Variants in NEK7 observed in about 807,000 individuals in gnomAD.
The protein encoded by NEK7 is NIMA related kinase 7, also known as serine/threonine-protein kinase Nek7.
NEK7 carries 18 observed loss-of-function variants against 44.6 expected under a neutral mutation model. The ratio of observed to expected loss-of-function variants is 0.40; its 90% CI spans 0.28 to 0.60. The LOEUF (loss-of-function observed/expected upper bound fraction) is 0.60. Among genes scored for constraint, NEK7 ranks in the 20% least tolerant of loss-of-function variants. NEK7 has a pLI of 0.38. For missense variants in NEK7, 256 were observed against 366.5 expected (o/e 0.70, Z 2.46); for synonymous variants, 130 against 121.1 (o/e 1.07, Z -0.48).
At chr1:198,178,800 G>A (rs1171310604) in intron 1 of NEK7, among the ~76,000 whole-genome samples, 1 of 151,852 alleles carries the variant, frequency 6.6e-6, no homozygotes, top group Non-Finnish European at 1.5e-5. Context: ...GATACACAAA[G>A]CTTCAATAAA....
At chr1:198,194,341 T>C (rs932702372) in intron 1 of NEK7, among the ~76,000 whole-genome samples, 1 of 151,880 alleles carries the variant, frequency 6.6e-6, no homozygotes, top group South Asian at 2.1e-4. Flanking sequence ...AGGTTTCTTA[T>C]ATAGGTAAAC....
intron 1 of NEK7, among the ~76,000 whole-genome samples, chr1:198,184,467 T>A (rs570964748): frequency 3.9e-4 from 60 of 152,340 alleles, no homozygotes; most frequent in African/African-American, 1.3e-3. Flanking sequence ...GTCAAACTGC[T>A]TACATATTCA....
intron 1 of NEK7, among the ~76,000 whole-genome samples, chr1:198,202,678 T>C (rs905768442): frequency 2.6e-5 from 4 of 152,156 alleles, no homozygotes; most frequent in African/African-American, 9.7e-5. Flanking sequence ...TGGCAGCAGA[T>C]GAGAGAATGA....
At chr1:198,226,568 C>T (rs1414543678) in intron 1 of NEK7, among the ~76,000 whole-genome samples, 1 of 151,158 alleles carries the variant, frequency 6.6e-6, no homozygotes, top group Admixed American at 6.6e-5. Flanking sequence ...CCCACTTACA[C>T]ATGGAATTAT....
At chr1:198,187,696 A>G (rs1174461374) in intron 1 of NEK7, among the ~76,000 whole-genome samples, 1 of 152,186 alleles carries the variant, frequency 6.6e-6, no homozygotes. Context: ...AATCCACTGT[A>G]GGCTGCCAGC....
At chr1:198,205,274 C>T (rs983447131) in intron 1 of NEK7, among the ~76,000 whole-genome samples, 2 of 152,126 alleles carry the variant, frequency 1.3e-5, no homozygotes, top group African/African-American at 4.8e-5. Context: ...CATCTGGATG[C>T]AAAGAACTAA....
At chr1:198,157,627 C>T (rs1253687245) in intron 1 of NEK7, among the ~76,000 whole-genome samples, 2 of 152,374 alleles carry the variant, frequency 1.3e-5, no homozygotes, top group Non-Finnish European at 2.9e-5. Flanking sequence ...GAAGTCCCGC[C>T]TTCCGGCGGA....
chr1:198,242,566 A>T (rs1342783170), intron 2 of NEK7, among the ~76,000 whole-genome samples: 1 of 145,268 alleles, frequency 6.9e-6, no homozygotes, highest in Non-Finnish European at 1.5e-5. Context: ...GGTTCAGGCC[A>T]TTCTCCTGCC....
chr1:198,313,218 T>G (rs1217478490), intron 9 of NEK7, among the ~76,000 whole-genome samples: 2 of 152,222 alleles, frequency 1.3e-5, no homozygotes, highest in African/African-American at 4.8e-5. Context: ...TCTTTTGATC[T>G]TTGTTGGTTT....
chr1:198,175,092 A>G (rs1306285956), intron 1 of NEK7, among the ~76,000 whole-genome samples: 1 of 152,180 alleles, frequency 6.6e-6, no homozygotes, highest in African/African-American at 2.4e-5. Flanking sequence ...TTTATGGTTT[A>G]TTGTAAACTG....
At chr1:198,305,138 G>A (rs1654988654) in intron 9 of NEK7, among the ~76,000 whole-genome samples, 1 of 151,940 alleles carries the variant, frequency 6.6e-6, no homozygotes, top group South Asian at 2.1e-4. Context: ...TATTAATGTT[G>A]TAATATCTAC....
intron 8 of NEK7, among the ~76,000 whole-genome samples, chr1:198,295,207 T>C (rs888858875): frequency 2.6e-5 from 4 of 152,170 alleles, no homozygotes; most frequent in African/African-American, 7.2e-5. Context: ...AAGTAGGTTT[T>C]ACACATTTCC....
At chr1:198,165,218 C>A (rs536997126) in intron 1 of NEK7, among the ~76,000 whole-genome samples, 1 of 152,282 alleles carries the variant, frequency 6.6e-6, no homozygotes, top group East Asian at 1.9e-4. Context: ...CTTCCAAACT[C>A]CTATTGACAT....
Position 198,186,468 on chromosome 1 carries a change from A to G in NEK7, c.-29+29192A>G, listed in dbSNP as rs562563994. Among the ~76,000 whole-genome samples the G allele has an allele frequency of 1.8e-4, 27 of 152,300 alleles. No homozygotes were observed. The South Asian group carries it at 3.7e-3, about 21-fold the overall frequency. On this transcript the variant is annotated intron_variant, in intron 1 of 9. Transcript: ENST00000367385. ...ATACAGGCTGGCAAGGAATGCTGAG[A>G]CCTGCTTTGCAGTTCTTTGACCTAC...
chr1:198,230,216 G>A lies in NEK7; in HGVS notation c.-28-2337G>A, dbSNP rs534120664. ...AAACTGTCTGTGGGACACCGGGTAT[G>A]AAATGTTGATTTTAATATTGGATTT... is the stretch of plus-strand genomic sequence containing the variant. On this transcript the variant is annotated intron_variant, in intron 1 of 9. Coordinates refer to ENST00000367385, the MANE Select transcript of NEK7 (RefSeq NM_133494.3). 4.3e-4 allele frequency among the ~76,000 whole-genome samples: 65 copies of A among 152,240 alleles called. 3 individuals are homozygous for A. The South Asian group carries it at 0.012, about 28-fold the overall frequency.
At chr1:198,200,610 G>T (rs185900088) in intron 1 of NEK7, among the ~76,000 whole-genome samples, 9 of 151,232 alleles carry the variant, frequency 6.0e-5, no homozygotes, top group African/African-American at 1.9e-4. Context: ...GAGTGCAGTG[G>T]CATGATCTTG....
intron 1 of NEK7, among the ~76,000 whole-genome samples, chr1:198,215,284 C>G (rs1279970085): frequency 1.3e-5 from 2 of 152,050 alleles, no homozygotes; most frequent in African/African-American, 4.8e-5. Flanking sequence ...AACAAAGTCA[C>G]TAGGTAACAA....
At chr1:198,233,355 T>C (rs1666455877) in intron 2 of NEK7, among the ~76,000 whole-genome samples, 1 of 152,226 alleles carries the variant, frequency 6.6e-6, no homozygotes, top group African/African-American at 2.4e-5. Flanking sequence ...TCAGTATGAA[T>C]ACTTGTCATA....
At position 198,314,513 on chromosome 1, in the gene NEK7, T is replaced by G. The variant is rs1409816495; in HGVS notation, c.799-4899T>G. On this transcript the variant is annotated intron_variant, in intron 9 of 9. Transcript: ENST00000367385. ...CTTTGGAGGAGGAGAGGCGCTCTGC[T>G]TTTTAGAGTTTCCAGTTTTTCTGCT... 5.9e-5 allele frequency among the ~76,000 whole-genome samples: 9 copies of G among 152,290 alleles called. No individual in the cohort carries two copies. In the South Asian group the frequency reaches 1.2e-3, roughly 21 times the overall value.
Sources: allele counts gnomAD v4.1 joint callset (sites outside exome capture counted in the v4.1 genomes callset), GRCh38; gene constraint gnomAD v4.1.1; transcripts MANE v1.5; gene names NCBI Gene and HGNC (gene_info 2026-07-23, HGNC 2026-07-21).